The following DDX1 variants were observed in gnomAD, a reference collection of about 807,000 sequenced individuals.
DDX1 encodes ATP-dependent RNA helicase DDX1.
Under a neutral mutation model 108.7 loss-of-function variants are expected in DDX1, and 28 were observed. That is an observed-to-expected ratio of 0.26 (90% CI 0.19 to 0.35). DDX1 has a LOEUF of 0.35. DDX1 is among the 10% of genes least tolerant of loss of function. DDX1 has a pLI of 1.00. For missense variants in DDX1, 710 were observed against 884.5 expected (o/e 0.80, Z 2.50); for synonymous variants, 295 against 288.9 (o/e 1.02, Z -0.21).
intron 6 of DDX1, among the ~76,000 whole-genome samples, chr2:15,601,815 G>A (rs576056336): frequency 1.6e-3 from 244 of 152,318 alleles, no homozygotes; most frequent in African/African-American, 5.5e-3. Flanking sequence ...TACAGAATAC[G>A]AGTTGGAAAG....
chr2:15,610,766 C>T (rs183378243), intron 13 of DDX1, among the ~76,000 whole-genome samples: 2 of 152,312 alleles, frequency 1.3e-5, no homozygotes, highest in Non-Finnish European at 2.9e-5. Context: ...TTCCATGTTA[C>T]AAGCTCACGC....
In DDX1 at chr2:15,596,737, G is replaced by A; in HGVS notation, c.136G>A (p.Ala46Thr). 2 of 1,611,588 alleles carry A rather than the reference G, an allele frequency of 1.2e-6. No individual in the cohort carries two copies. The highest frequency in any genetic ancestry group is 1.7e-6 in the Non-Finnish European group (2 of 1,178,382). The change falls in exon 4 of 26, where the codon GCA becomes ACA. Residue 46 changes from alanine to threonine, a missense_variant. Ala to Thr is a moderately conservative substitution (Grantham distance 58). Coordinates refer to ENST00000233084, the MANE Select transcript of DDX1 (RefSeq NM_004939.3). The part of the protein sequence containing the change: ...ILGGGDVLMA[A>T]ETGSGKTGAF... ...CAACTTTTTTCCCCTCATTCAGGCT[G>A]CAGAAACAGGAAGTGGCAAAACTGG...
intron 13 of DDX1, among the ~76,000 whole-genome samples, chr2:15,611,819 G>A (rs1157644703): frequency 2.9e-5 from 3 of 104,028 alleles, no homozygotes; most frequent in Non-Finnish European, 5.7e-5. Context: ...CGGACGGGGC[G>A]GCTGGCCGGG....
chr2:15,621,059 T>G lies in DDX1; in HGVS notation c.1396-6T>G. On this transcript the variant is annotated splice_polypyrimidine_tract_variant and splice_region_variant and intron_variant, in intron 17 of 25. Coordinates refer to ENST00000233084, the MANE Select transcript of DDX1 (RefSeq NM_004939.3). The stretch of plus-strand genomic sequence containing the variant: ...CTATCCTGTTTTTATTCCTTGCTTT[T>G]GATAGACTGATGATGTACATGCAAA... The G allele has an allele frequency of 1.3e-6, 2 of 1,599,890 alleles. No homozygotes were observed. The highest frequency in any genetic ancestry group is 1.7e-4 in the Middle Eastern group (1 of 5,948).
intron 10 of DDX1, among the ~76,000 whole-genome samples, chr2:15,605,301 T>G (rs1443339241): frequency 6.6e-6 from 1 of 151,756 alleles, no homozygotes; most frequent in East Asian, 1.9e-4. Flanking sequence ...GGTCAGCAAA[T>G]TGAGGAGAAT....
intron 13 of DDX1, among the ~76,000 whole-genome samples, chr2:15,611,016 G>GC (rs1191218561): frequency 6.7e-6 from 1 of 150,366 alleles, no homozygotes; most frequent in Non-Finnish European, 1.5e-5. Context: ...GTTTTCCTAG[G>GC]CAGAGGACCC....
At chr2:15,614,715 C>T (rs1160046871) in intron 14 of DDX1, among the ~76,000 whole-genome samples, 1 of 152,196 alleles carries the variant, frequency 6.6e-6, no homozygotes, top group Non-Finnish European at 1.5e-5. Context: ...CCCCAAACCT[C>T]CAGAAATGTG....
Position 15,613,214 on chromosome 2 carries a change from T to C in DDX1, c.957-10T>C. 1.3e-6 allele frequency: 2 copies of C among 1,576,552 alleles called. No individual in the cohort carries two copies. The highest frequency in any genetic ancestry group is 1.4e-5 in the African/African-American group (1 of 72,794). ...TTTTTTTTATATTATCATCTTGATATTTATTTCAGGGAGCTTCTGATAATT... is the reference window on the plus strand; with the variant it reads ...TTTTTTTTATATTATCATCTTGATACTTATTTCAGGGAGCTTCTGATAATT... On this transcript the variant is annotated splice_polypyrimidine_tract_variant and intron_variant, in intron 13 of 25. Transcript: ENST00000233084.
chr2:15,623,149 G>A (rs376343881), intron 18 of DDX1, among the ~76,000 whole-genome samples: 10 of 152,100 alleles, frequency 6.6e-5, no homozygotes, highest in African/African-American at 2.2e-4. Flanking sequence ...TAATTTGTAC[G>A]TGTGTATGTG....
At chr2:15,603,348 AAAT>A in intron 8 of DDX1, 73 bp downstream of exon 8, 1 of 1,031,072 alleles carries the variant, frequency 9.7e-7, no homozygotes, top group East Asian at 2.4e-5. Context: ...TGGGGAAGCA[AAAT>A]AATAAATTTA....
intron 16 of DDX1, among the ~76,000 whole-genome samples, chr2:15,619,534 A>C (rs1483865813): frequency 6.6e-6 from 1 of 152,162 alleles, no homozygotes; most frequent in Non-Finnish European, 1.5e-5. Context: ...GCTGCTCCTG[A>C]CGGCCTGTTG....
chr2:15,620,044 T>G (rs1167941978), intron 16 of DDX1, among the ~76,000 whole-genome samples, 164 bp from the exon 17 acceptor site: 1 of 152,206 alleles, frequency 6.6e-6, no homozygotes, highest in Non-Finnish European at 1.5e-5. Context: ...TCAGAGAGGT[T>G]AACCTGCCCA....
chr2:15,605,990 G>GA lies in DDX1; in HGVS notation c.671dup (p.Asn224LysfsTer14). 2 of 1,585,532 alleles carry GA rather than the reference G, an allele frequency of 1.3e-6. No individual in the cohort carries two copies. ...TGGCATTTGAAATACCACCACATAT[G>GA]AAAAACCAAGCCCTCTTTCCTGCCT... On this transcript the variant is annotated frameshift_variant, in exon 11 of 26. Transcript: ENST00000233084. LOFTEE classifies it high-confidence loss of function.
intron 20 of DDX1, among the ~76,000 whole-genome samples, chr2:15,627,866 C>T (rs185400343): frequency 2.6e-5 from 4 of 152,240 alleles, no homozygotes; most frequent in Non-Finnish European, 4.4e-5. Flanking sequence ...CCTTCTCAAC[C>T]GTAGGCATTT....
chr2:15,628,863 T>C (rs1320822204), intron 23 of DDX1, 24 bp downstream of exon 23: 1 of 1,598,258 alleles, frequency 6.3e-7, no homozygotes, highest in South Asian at 1.1e-5. Context: ...GGCTCTATTA[T>C]ATTCATTGTG....
In DDX1 at chr2:15,620,343, GTAA is replaced by G. The variant is rs1665981475; in HGVS notation, c.1343_1345del (p.Val448_Asn449delinsAsp). On this transcript the variant is annotated inframe_deletion, in exon 17 of 26. Coordinates refer to ENST00000233084, the MANE Select transcript of DDX1 (RefSeq NM_004939.3). ...TACTGTACACCATGTTGTTGTCCCAGTAAATCCCAAAACTGACAGACTCTGGGA... is the reference window on the plus strand; with the variant it reads ...TACTGTACACCATGTTGTTGTCCCAGATCCCAAAACTGACAGACTCTGGGA... 1 of 1,613,858 alleles carries G rather than the reference GTAA, an allele frequency of 6.2e-7. No homozygotes were observed. The highest frequency in any genetic ancestry group is 1.3e-5 in the African/African-American group (1 of 74,902).
At position 15,612,083 on chromosome 2, in the gene DDX1, C is replaced by T. The variant is rs1382842681; in HGVS notation, c.957-1141C>T. On this transcript the variant is annotated intron_variant, in intron 13 of 25. Transcript: ENST00000233084. ...CCTCCCGGAGGGGGCGGCTGGCTGG[C>T]GGGGCCTGACCCCCCCACCTCCCTC... Among the ~76,000 whole-genome samples, 10 of 108,920 alleles carry T rather than the reference C, an allele frequency of 9.2e-5. 1 individual carries two copies. The highest frequency in any genetic ancestry group is 3.3e-4 in the South Asian group (1 of 3,034). The allele number at this position is 108,920 out of a possible 152,430, so 71.5% of individuals were successfully genotyped here.
intron 21 of DDX1, 59 bp from the exon 22 acceptor site, chr2:15,628,579 A>G: frequency 1.9e-6 from 3 of 1,594,318 alleles, no homozygotes; most frequent in Non-Finnish European, 2.6e-6. Context: ...AAAGCCTTCT[A>G]ATATGTTTGA....
chr2:15,612,791 G>A (rs1432985055), intron 13 of DDX1, among the ~76,000 whole-genome samples: 4 of 152,350 alleles, frequency 2.6e-5, no homozygotes, highest in East Asian at 1.9e-4. Flanking sequence ...GATCACTCGC[G>A]GTTAGGAGCT....
Sources: allele counts gnomAD v4.1 joint callset (sites outside exome capture counted in the v4.1 genomes callset), GRCh38; gene constraint gnomAD v4.1.1; transcripts MANE v1.5; gene names NCBI Gene and HGNC (gene_info 2026-07-23, HGNC 2026-07-21).